RBMS3: variants seen among roughly 807,000 people sequenced by gnomAD.
RBMS3 encodes the protein RNA-binding motif, single-stranded-interacting protein 3.
Under a neutral mutation model 66.8 loss-of-function variants are expected in RBMS3, and 27 were observed. That is an observed-to-expected ratio of 0.40 (90% CI 0.30 to 0.56). RBMS3 has a LOEUF of 0.56. Among genes scored for constraint, RBMS3 ranks in the 20% least tolerant of loss-of-function variants. The pLI is 0.40. For missense variants in RBMS3, 513 were observed against 549.5 expected (o/e 0.93, Z 0.66); for synonymous variants, 188 against 183.0 (o/e 1.03, Z -0.22).
At chr3:29,940,205 G>A (rs113921746) in intron 11 of RBMS3, among the ~76,000 whole-genome samples, 2,954 of 151,856 alleles carry the variant, frequency 0.019, 91 homozygotes, top group African/African-American at 0.066. Flanking sequence ...TTTCCTAACC[G>A]TTCTTCCTGC....
chr3:29,546,635 A>G (rs2045959716), intron 3 of RBMS3, among the ~76,000 whole-genome samples: 1 of 152,244 alleles, frequency 6.6e-6, no homozygotes, highest in African/African-American at 2.4e-5. Flanking sequence ...TTGACAATGT[A>G]TAAACATACA....
In RBMS3 at chr3:29,899,755, A is replaced by C. The variant is rs1218253027; in HGVS notation, c.939A>C (p.Thr313=). ...MPHPPYVMQP[T]GAVITPTMDH... ...ATCCGCCATACGTTATGCAACCAAC[A>C]GTAAGTGTTCTCAGTCACCTGAGGC... Residue 313 remains threonine (T), a splice_region_variant and synonymous_variant, in exon 10 of 15, where the codon ACA becomes ACC. Transcript: ENST00000383767. 3 of 1,609,880 alleles carry C rather than the reference A, an allele frequency of 1.9e-6. No individual in the cohort carries two copies. Among genetic ancestry groups the C allele is most frequent in the South Asian group, 2.2e-5 (2 of 90,920 alleles).
rs567830689 is a variant in RBMS3 at position 29,558,345 on chromosome 3, G to T, written c.308-28769G>T. Among the ~76,000 whole-genome samples the T allele has an allele frequency of 2.2e-4, 33 of 152,156 alleles. No individual in the cohort carries two copies. The South Asian group carries it at 6.8e-3, about 32-fold the overall frequency. ...AACTAGGGGGTTGAAGAGGAAAGGG[G>T]TGGGGGAACTAGCAATGCAGATTAC... is the stretch of plus-strand genomic sequence containing the variant. On this transcript the variant is annotated intron_variant, in intron 3 of 14. Coordinates refer to ENST00000383767, the MANE Select transcript of RBMS3 (RefSeq NM_001003793.3).
At chr3:29,861,835 G>A (rs2059224440) in intron 6 of RBMS3, among the ~76,000 whole-genome samples, 1 of 152,108 alleles carries the variant, frequency 6.6e-6, no homozygotes, top group South Asian at 2.1e-4. Context: ...TATAATTACT[G>A]TGCAACTTTA....
At chr3:29,962,714 T>C (rs1696566832) in intron 12 of RBMS3, among the ~76,000 whole-genome samples, 2 of 152,040 alleles carry the variant, frequency 1.3e-5, no homozygotes, top group South Asian at 4.1e-4. Flanking sequence ...TAAGACTCTT[T>C]TCATAACTGA....
intron 1 of RBMS3, among the ~76,000 whole-genome samples, chr3:29,407,326 C>G (rs1425356388): frequency 6.6e-6 from 1 of 152,112 alleles, no homozygotes; most frequent in Non-Finnish European, 1.5e-5. Context: ...TAACTTCTCC[C>G]AAAGTCACCT....
At chr3:29,660,531 G>T (rs559593272) in intron 4 of RBMS3, among the ~76,000 whole-genome samples, 5 of 152,254 alleles carry the variant, frequency 3.3e-5, no homozygotes, top group African/African-American at 9.6e-5. Flanking sequence ...CTGATACGGA[G>T]AGACTTACTT....
intron 1 of RBMS3, among the ~76,000 whole-genome samples, chr3:29,382,729 T>C (rs577531875): frequency 1.3e-5 from 2 of 151,430 alleles, no homozygotes; most frequent in East Asian, 3.9e-4. Context: ...TTCAGTATTT[T>C]ATTTTTCGTT....
intron 3 of RBMS3, among the ~76,000 whole-genome samples, chr3:29,556,874 G>A (rs890003976): frequency 2.0e-5 from 3 of 152,130 alleles, no homozygotes; most frequent in Admixed American, 6.5e-5. Flanking sequence ...CATAATGACT[G>A]TCTATTGCCT....
chr3:29,525,360 A>G (rs1359601498), intron 3 of RBMS3, among the ~76,000 whole-genome samples: 1 of 152,184 alleles, frequency 6.6e-6, no homozygotes, highest in Non-Finnish European at 1.5e-5. Context: ...AAGTTTGACT[A>G]GGCTCTGTAT....
At chr3:29,771,033 T>C (rs1026597351) in intron 6 of RBMS3, among the ~76,000 whole-genome samples, 1 of 151,974 alleles carries the variant, frequency 6.6e-6, no homozygotes, top group African/African-American at 2.4e-5. Flanking sequence ...ATGATCTAAT[T>C]TTTAGAATGA....
At chr3:29,673,718 C>T (rs34244047) in intron 4 of RBMS3, among the ~76,000 whole-genome samples, 34,531 of 151,818 alleles carry the variant, frequency 0.23, 4,386 homozygotes, top group South Asian at 0.29. Flanking sequence ...AAGTTGAATC[C>T]CTGAATAGAC....
At chr3:29,976,868 G>A (rs1697623844) in intron 12 of RBMS3, among the ~76,000 whole-genome samples, 2 of 148,906 alleles carry the variant, frequency 1.3e-5, no homozygotes, top group African/African-American at 2.6e-5. Context: ...CTCTGCTTGA[G>A]GTAATACCGC....
At chr3:29,992,567 A>G (rs1317157528) in intron 14 of RBMS3, among the ~76,000 whole-genome samples, 1 of 152,048 alleles carries the variant, frequency 6.6e-6, no homozygotes, top group African/African-American at 2.4e-5. Context: ...GTGCCACTGC[A>G]CTCCAGCCTG....
chr3:29,870,977 C>T (rs2059478008), intron 7 of RBMS3, among the ~76,000 whole-genome samples: 1 of 151,914 alleles, frequency 6.6e-6, no homozygotes, highest in Non-Finnish European at 1.5e-5. Context: ...AAGTAAATAC[C>T]CAAAGAATGT....
At chr3:29,809,865 A>G (rs1388375501) in intron 6 of RBMS3, among the ~76,000 whole-genome samples, 1 of 152,084 alleles carries the variant, frequency 6.6e-6, no homozygotes, top group African/African-American at 2.4e-5. Context: ...AAGGAAAAAA[A>G]TCACTTAAGC....
At chr3:29,396,114 T>G (rs1356357884) in intron 1 of RBMS3, among the ~76,000 whole-genome samples, 2 of 152,114 alleles carry the variant, frequency 1.3e-5, no homozygotes, top group African/African-American at 2.4e-5. Flanking sequence ...CATGTGCCTA[T>G]GGATAGAGGC....
intron 6 of RBMS3, among the ~76,000 whole-genome samples, chr3:29,859,463 T>A (rs1344167089): frequency 6.6e-6 from 1 of 152,234 alleles, no homozygotes; most frequent in Non-Finnish European, 1.5e-5. Context: ...TCAAAAGAAC[T>A]GATTGTAACT....
At chr3:29,411,075 A>G (rs185531717) in intron 1 of RBMS3, among the ~76,000 whole-genome samples, 129 of 152,282 alleles carry the variant, frequency 8.5e-4, no homozygotes, top group Non-Finnish European at 1.5e-3. Flanking sequence ...TGCCCATCTC[A>G]GATTGAAATC....
Sources: allele counts gnomAD v4.1 joint callset (sites outside exome capture counted in the v4.1 genomes callset), GRCh38; gene constraint gnomAD v4.1.1; transcripts MANE v1.5; gene names NCBI Gene and HGNC (gene_info 2026-07-23, HGNC 2026-07-21).